The following NCOA2 variants were observed in gnomAD, a reference collection of about 807,000 sequenced individuals.
NCOA2 encodes the protein nuclear receptor coactivator 2.
NCOA2 carries 21 observed loss-of-function variants against 145.1 expected under a neutral mutation model. The ratio of observed to expected loss-of-function variants is 0.14; its 90% CI spans 0.10 to 0.21. The LOEUF is 0.21. Ranked by LOEUF, NCOA2 falls within the 10% of genes least tolerant of loss-of-function variation. The probability of loss-of-function intolerance (pLI) is 1.00; values close to 1 mark genes in which losing one functional copy is unlikely to be tolerated. For missense variants in NCOA2, 1,472 were observed against 1,837.6 expected (o/e 0.80, Z 3.64); for synonymous variants, 619 against 637.5 (o/e 0.97, Z 0.44).
chr8:70,117,838 T>C (rs74445944), intron 22 of NCOA2, among the ~76,000 whole-genome samples: 2,412 of 152,328 alleles, frequency 0.016, 66 homozygotes, highest in African/African-American at 0.056. Context: ...TAATAGAGAA[T>C]AGGCTTGCAG....
At chr8:70,393,339 C>T (rs928392261) in intron 1 of NCOA2, among the ~76,000 whole-genome samples, 2 of 152,144 alleles carry the variant, frequency 1.3e-5, no homozygotes, top group Non-Finnish European at 2.9e-5. Context: ...ATTAAGGATT[C>T]GGATTAAACG....
intron 2 of NCOA2, among the ~76,000 whole-genome samples, chr8:70,258,645 C>T (rs188525665): frequency 3.3e-5 from 5 of 152,264 alleles, no homozygotes; most frequent in African/African-American, 1.2e-4. Context: ...AATCCCTCTA[C>T]AATTATCAAG....
chr8:70,179,479 T>C (rs1815235687), intron 4 of NCOA2, among the ~76,000 whole-genome samples: 2 of 152,178 alleles, frequency 1.3e-5, no homozygotes, highest in Non-Finnish European at 2.9e-5. Flanking sequence ...GATACTATTA[T>C]GTTAACCGGA....
intron 1 of NCOA2, among the ~76,000 whole-genome samples, chr8:70,332,285 C>T (rs984408315): frequency 1.3e-5 from 2 of 152,062 alleles, no homozygotes; most frequent in Non-Finnish European, 2.9e-5. Context: ...ATATCTGTGC[C>T]AAGTTTAGCC....
chr8:70,448,179 T>C, the NCOA2 span, among the ~76,000 whole-genome samples: 1 of 152,170 alleles, frequency 6.6e-6, no homozygotes, highest in Non-Finnish European at 1.5e-5. Flanking sequence ...TTCCTTCTTG[T>C]CCTCAAGAAA....
intron 1 of NCOA2, among the ~76,000 whole-genome samples, chr8:70,335,754 C>T (rs968512937): frequency 6.6e-6 from 1 of 152,064 alleles, no homozygotes; most frequent in Non-Finnish European, 1.5e-5. Flanking sequence ...TAGGTGATTT[C>T]ATCATTTTGC....
At chr8:70,404,309 T>C (rs1814659367), upstream of NCOA2, among the ~76,000 whole-genome samples, 1 of 152,142 alleles carries the variant, frequency 6.6e-6, no homozygotes, top group East Asian at 1.9e-4. Flanking sequence ...CCTGGGCCGC[T>C]GAGTTAGAGG....
intron 1 of NCOA2, among the ~76,000 whole-genome samples, chr8:70,390,726 C>T (rs573062289): frequency 3.9e-5 from 6 of 152,298 alleles, no homozygotes; most frequent in Non-Finnish European, 8.8e-5. Flanking sequence ...ATGATCCGTG[C>T]CACTGTACCC....
At chr8:70,210,236 C>T (rs891168758) in intron 4 of NCOA2, among the ~76,000 whole-genome samples, 1 of 152,186 alleles carries the variant, frequency 6.6e-6, no homozygotes, top group African/African-American at 2.4e-5. Context: ...AATAGGTTAT[C>T]AAATCTGAGC....
At chr8:70,209,540 GT>G (rs1393115545) in intron 4 of NCOA2, among the ~76,000 whole-genome samples, 2 of 152,082 alleles carry the variant, frequency 1.3e-5, no homozygotes, top group Non-Finnish European at 2.9e-5. Flanking sequence ...AAACTTCACT[GT>G]TATCTTACTT....
chr8:70,399,065 C>T (rs1040123319), intron 1 of NCOA2, among the ~76,000 whole-genome samples: 2 of 152,152 alleles, frequency 1.3e-5, no homozygotes, highest in African/African-American at 2.4e-5. Context: ...AAGTCACATT[C>T]GTGATCACCT....
chr8:70,439,218 A>C, the NCOA2 span, among the ~76,000 whole-genome samples: 1 of 152,178 alleles, frequency 6.6e-6, no homozygotes, highest in South Asian at 2.1e-4. Flanking sequence ...TACTATGTCC[A>C]AACACTGTGC....
intron 22 of NCOA2, among the ~76,000 whole-genome samples, chr8:70,114,591 C>T (rs550483617): frequency 1.2e-4 from 19 of 152,254 alleles, no homozygotes; most frequent in African/African-American, 4.6e-4. Context: ...ACAAAAATTG[C>T]CCGACTAGGC....
chr8:70,407,119 A>T (rs115868530), upstream of NCOA2, among the ~76,000 whole-genome samples: 384 of 152,346 alleles, frequency 2.5e-3, 3 homozygotes, highest in African/African-American at 8.7e-3. Flanking sequence ...GCATTCCTAA[A>T]TTGCCAAAGC....
intron 2 of NCOA2, among the ~76,000 whole-genome samples, chr8:70,282,539 T>G (rs973004524): frequency 6.6e-6 from 1 of 152,002 alleles, no homozygotes; most frequent in Non-Finnish European, 1.5e-5. Flanking sequence ...TACAAAAAAA[T>G]TAGCCAGGCA....
chr8:70,338,554 C>G (rs537096497), intron 1 of NCOA2, among the ~76,000 whole-genome samples: 59 of 152,208 alleles, frequency 3.9e-4, no homozygotes, highest in African/African-American at 1.3e-3. Context: ...TTCCAAAAAA[C>G]TGAAAAGGAG....
intron 2 of NCOA2, among the ~76,000 whole-genome samples, chr8:70,235,730 G>C (rs575649528): frequency 2.0e-5 from 3 of 152,258 alleles, no homozygotes; most frequent in African/African-American, 7.2e-5. Context: ...TGTAGTGTCA[G>C]CTACTCGGGA....
intron 1 of NCOA2, among the ~76,000 whole-genome samples, chr8:70,397,087 G>C (rs1813737366): frequency 6.6e-6 from 1 of 152,184 alleles, no homozygotes; most frequent in South Asian, 2.1e-4. Flanking sequence ...GCCTGTATCA[G>C]GTTCCTGGCA....
chr8:70,285,525 C>T (rs578256303), intron 2 of NCOA2, among the ~76,000 whole-genome samples: 3 of 152,308 alleles, frequency 2.0e-5, no homozygotes, highest in South Asian at 2.1e-4. Flanking sequence ...ACGCACATGG[C>T]GAAGAACACT....
Sources: allele counts gnomAD v4.1 joint callset (sites outside exome capture counted in the v4.1 genomes callset), GRCh38; gene constraint gnomAD v4.1.1; transcripts MANE v1.5; gene names NCBI Gene and HGNC (gene_info 2026-07-23, HGNC 2026-07-21).